The following DHX35 variants were observed in gnomAD, a reference collection of about 807,000 sequenced individuals.
DHX35 encodes DEAH-box helicase 35, also known as probable ATP-dependent RNA helicase DHX35.
Under a neutral mutation model 99.6 loss-of-function variants are expected in DHX35, and 84 were observed. The observed-to-expected ratio is 0.84, with a 90% confidence interval of 0.71 to 1.01. The LOEUF (loss-of-function observed/expected upper bound fraction) is 1.01, where lower values mean the gene tolerates loss of function less well. Ranked by LOEUF, DHX35 falls within the 50% of genes least tolerant of loss-of-function variation. DHX35 has a pLI of 0.00. For synonymous variants in DHX35, 331 were observed against 316.2 expected, an observed-to-expected ratio of 1.05 and a Z score of -0.50; for missense variants, 852 against 888.5, an observed-to-expected ratio of 0.96 and a Z score of 0.52.
At chr20:39,018,943 CAG>C (rs1008631740) in intron 15 of DHX35, 44 bp downstream of exon 15, 12 of 1,597,532 alleles carry the variant, frequency 7.5e-6, no homozygotes, top group African/African-American at 2.7e-5. Flanking sequence ...TTTTGACTGT[CAG>C]AGGTGTTGTT....
At chr20:39,004,974 C>T (rs1259963894) in intron 11 of DHX35, among the ~76,000 whole-genome samples, 1 of 152,146 alleles carries the variant, frequency 6.6e-6, no homozygotes, top group Non-Finnish European at 1.5e-5. Context: ...GATTCTGCCC[C>T]TGAGCTACTA....
chr20:39,037,479 G>A (rs56339688), intron 21 of DHX35, among the ~76,000 whole-genome samples: 3,050 of 152,204 alleles, frequency 0.02, 53 homozygotes, highest in Admixed American at 0.053. Flanking sequence ...TGTCTCTCAC[G>A]TCATACCTGG....
In DHX35 at chr20:39,001,753, A is replaced by G. The variant is rs552231330; in HGVS notation, c.666A>G (p.Gln222=). ...DADKFRDFFN[Q]NETSDPARDT... ...AGAAATTCCGGGATTTCTTTAATCA[A>G]AATGAAACCAGTGATCCAGCAAGGG... The change falls in exon 9 of 22, where the codon CAA becomes CAG. Residue 222 remains glutamine, a synonymous_variant. Transcript: ENST00000252011. 1.1e-5 allele frequency: 17 copies of G among 1,610,878 alleles called. No homozygotes were observed. In the South Asian group the frequency reaches 1.3e-4, roughly 13 times the overall value.
intron 20 of DHX35, among the ~76,000 whole-genome samples, chr20:39,032,252 A>G (rs1486327200): frequency 2.6e-5 from 4 of 152,148 alleles, no homozygotes; most frequent in Non-Finnish European, 5.9e-5. Context: ...GCTCACTTCA[A>G]TCTCCACCTT....
intron 3 of DHX35, among the ~76,000 whole-genome samples, chr20:38,981,943 C>CAAAAAAA (rs1161300647): frequency 6.9e-5 from 6 of 87,274 alleles, no homozygotes; most frequent in Non-Finnish European, 9.6e-5. Flanking sequence ...GACTCTGTCT[C>CAAAAAAA]AAAAAAAAAA....
At chr20:38,986,476 A>G (rs191184075) in intron 4 of DHX35, among the ~76,000 whole-genome samples, 1 of 152,210 alleles carries the variant, frequency 6.6e-6, no homozygotes, top group Non-Finnish European at 1.5e-5. Flanking sequence ...TAAAATGATT[A>G]TATTTTTACA....
rs1305922475 is a variant in DHX35 at position 39,003,621 on chromosome 20, G to A, written c.853-128G>A. ...ATACCATCCCAGAGTGGAACATGAC[G>A]GCACTGAAATTCTTGAATCTGACCA... On this transcript the variant is annotated intron_variant, in intron 10 of 21. Transcript: ENST00000252011. 7.8e-6 allele frequency: 8 copies of A among 1,030,146 alleles called. No individual in the cohort carries two copies. In the South Asian group the frequency reaches 8.3e-5, roughly 11 times the overall value. 63.8% of individuals were successfully genotyped at this position (1,030,146 alleles called of 1,614,324 possible). A position where few individuals can be genotyped will look rare whatever the true frequency, so the allele number is the denominator to read the frequency against.
At chr20:39,027,409 AG>A (rs1326420096) in intron 18 of DHX35, among the ~76,000 whole-genome samples, 1 of 152,232 alleles carries the variant, frequency 6.6e-6, no homozygotes, top group Non-Finnish European at 1.5e-5. Flanking sequence ...TAATATATTT[AG>A]GAAAAAACAG....
At chr20:38,963,584 A>G (rs1426078776) in intron 1 of DHX35, among the ~76,000 whole-genome samples, 1 of 152,266 alleles carries the variant, frequency 6.6e-6, no homozygotes, top group African/African-American at 2.4e-5. Context: ...CTTTTAATTT[A>G]TTCACGCTTT....
At chr20:39,036,268 A>C (rs1049400255) in intron 21 of DHX35, among the ~76,000 whole-genome samples, 10 of 152,258 alleles carry the variant, frequency 6.6e-5, no homozygotes, top group African/African-American at 2.4e-4. Flanking sequence ...TCTTTAGGTC[A>C]AACCCACAAA....
intron 2 of DHX35, among the ~76,000 whole-genome samples, chr20:38,969,964 C>T (rs2085968967): frequency 6.6e-6 from 1 of 152,180 alleles, no homozygotes. Flanking sequence ...GTGAATTCTC[C>T]CTGCTCCACA....
chr20:39,013,406 AGT>A (rs2086734161), intron 13 of DHX35, among the ~76,000 whole-genome samples: 1 of 152,256 alleles, frequency 6.6e-6, no homozygotes, highest in Non-Finnish European at 1.5e-5. Flanking sequence ...AAAAACATGT[AGT>A]GAGAAGACCA....
intron 3 of DHX35, among the ~76,000 whole-genome samples, chr20:38,978,795 T>C (rs996778800): frequency 5.9e-5 from 9 of 152,202 alleles, no homozygotes; most frequent in Non-Finnish European, 1.0e-4. Flanking sequence ...GTTTCCCTTC[T>C]CTTTTGTTCT....
At chr20:39,034,967 C>T (rs572581949) in intron 21 of DHX35, among the ~76,000 whole-genome samples, 232 of 152,168 alleles carry the variant, frequency 1.5e-3, no homozygotes, top group Non-Finnish European at 2.0e-3. Flanking sequence ...ACTATGTTGC[C>T]CAGGCTAGTC....
At chr20:39,037,274 C>A (rs546428298) in intron 21 of DHX35, among the ~76,000 whole-genome samples, 10 of 152,156 alleles carry the variant, frequency 6.6e-5, no homozygotes, top group African/African-American at 2.4e-4. Flanking sequence ...AGGGGAAGAA[C>A]GGGGTGACCT....
intron 1 of DHX35, among the ~76,000 whole-genome samples, chr20:38,963,952 A>G (rs1054767027): frequency 6.6e-6 from 1 of 152,240 alleles, no homozygotes; most frequent in Non-Finnish European, 1.5e-5. Context: ...ATGACTTGAT[A>G]GTCACTTAAA....
chr20:38,978,971 T>C (rs116220630), intron 3 of DHX35, among the ~76,000 whole-genome samples: 1 of 152,240 alleles, frequency 6.6e-6, no homozygotes, highest in Non-Finnish European at 1.5e-5. Context: ...AGATGTGTTC[T>C]TGGTGCTTTT....
chr20:38,974,752 C>T (rs557356859), intron 3 of DHX35, among the ~76,000 whole-genome samples: 161 of 152,220 alleles, frequency 1.1e-3, no homozygotes, highest in African/African-American at 3.5e-3. Flanking sequence ...CATCAACATT[C>T]AGGAGTCAGG....
At chr20:38,993,428 T>A (rs1405823498) in intron 7 of DHX35, among the ~76,000 whole-genome samples, 1 of 152,202 alleles carries the variant, frequency 6.6e-6, no homozygotes, top group Admixed American at 6.5e-5. Context: ...GGCGTGATCT[T>A]GGCTCACCGC....
Sources: gnomAD v4.1 joint callset for allele counts (sites outside exome capture counted in the v4.1 genomes callset) on GRCh38, gnomAD v4.1.1 for gene constraint, MANE v1.5 for transcripts, NCBI Gene and HGNC (gene_info 2026-07-23, HGNC 2026-07-21) for gene names.